The following WDR59 variants were observed in gnomAD, a reference collection of about 807,000 sequenced individuals.
WDR59 encodes the protein WD repeat domain 59, also known as GATOR2 complex protein WDR59.
WDR59 carries 100 observed loss-of-function variants against 131.2 expected under a neutral mutation model. The ratio of observed to expected loss-of-function variants is 0.76; its 90% confidence interval spans 0.65 to 0.90. The LOEUF (loss-of-function observed/expected upper bound fraction) is 0.90. Ranked by LOEUF, WDR59 falls within the 40% of genes least tolerant of loss-of-function variation. WDR59 has a pLI of 0.00. For synonymous variants in WDR59, 601 were observed against 466.2 expected, an observed-to-expected ratio of 1.29 and a Z score of -3.72; for missense variants, 1,203 against 1,262.2, an observed-to-expected ratio of 0.95 and a Z score of 0.71.
At chr16:74,959,683 G>A (rs1291220061) in intron 2 of WDR59, 3 of 321,348 alleles carry the variant, frequency 9.3e-6, no homozygotes, top group Admixed American at 8.6e-5. Flanking sequence ...TGAGAAGGCT[G>A]AGATGGGAGG....
At chr16:74,940,117 G>A (rs951394209) in intron 7 of WDR59, among the ~76,000 whole-genome samples, 5 of 152,092 alleles carry the variant, frequency 3.3e-5, no homozygotes, top group African/African-American at 7.2e-5. Context: ...AGTGGCTCAC[G>A]CCTGTAATCC....
chr16:74,981,265 A>C (rs2034392942), intron 1 of WDR59, among the ~76,000 whole-genome samples: 1 of 151,284 alleles, frequency 6.6e-6, no homozygotes, highest in South Asian at 2.1e-4. Flanking sequence ...AGTCCCAGCT[A>C]CTTGGGAGGT....
At chr16:74,879,037 T>C (rs1964352460) in intron 25 of WDR59, among the ~76,000 whole-genome samples, 1 of 152,160 alleles carries the variant, frequency 6.6e-6, no homozygotes, top group Middle Eastern at 3.2e-3. Flanking sequence ...CTGAAGAGAT[T>C]CCTGAATACC....
intron 8 of WDR59, among the ~76,000 whole-genome samples, chr16:74,929,327 G>A (rs1006907563): frequency 1.3e-5 from 2 of 151,994 alleles, no homozygotes; most frequent in Admixed American, 6.6e-5. Context: ...CACCTGCCTC[G>A]GCCTCCCAAA....
At chr16:74,981,137 G>A (rs557607296) in intron 1 of WDR59, among the ~76,000 whole-genome samples, 17 of 151,550 alleles carry the variant, frequency 1.1e-4, no homozygotes, top group Admixed American at 4.6e-4. Flanking sequence ...AGGCTGAGGC[G>A]GGCGGATCAC....
intron 25 of WDR59, among the ~76,000 whole-genome samples, chr16:74,882,999 C>G (rs1423731647): frequency 7.3e-6 from 1 of 137,738 alleles, no homozygotes; most frequent in Admixed American, 7.2e-5. Context: ...TTAACTGTTT[C>G]TTTCGTTTTT....
intron 9 of WDR59, among the ~76,000 whole-genome samples, chr16:74,922,395 ACTGTTTCACATC>A (rs2030331865): frequency 6.6e-6 from 1 of 152,176 alleles, no homozygotes; most frequent in Non-Finnish European, 1.5e-5. Context: ...AATGAAACAC[ACTGTTTCACATC>A]CTAGCTACTC....
intron 7 of WDR59, among the ~76,000 whole-genome samples, chr16:74,941,518 C>G (rs1246587959): frequency 6.6e-6 from 1 of 151,782 alleles, no homozygotes; most frequent in Admixed American, 6.6e-5. Context: ...ACATGTGAAA[C>G]CCCATCTCTA....
chr16:74,957,338 C>T (rs2033344661), intron 2 of WDR59, among the ~76,000 whole-genome samples: 1 of 152,044 alleles, frequency 6.6e-6, no homozygotes, highest in Non-Finnish European at 1.5e-5. Context: ...GCCTCAGCCT[C>T]CCAAAGTACT....
At chr16:74,982,828 G>C (rs1425579215) in intron 1 of WDR59, among the ~76,000 whole-genome samples, 2 of 152,102 alleles carry the variant, frequency 1.3e-5, no homozygotes, top group Admixed American at 6.6e-5. Flanking sequence ...GCAAAATGGT[G>C]GGTAGCTCCT....
At chr16:74,953,489 A>T (rs1011961844) in intron 3 of WDR59, among the ~76,000 whole-genome samples, 3 of 149,026 alleles carry the variant, frequency 2.0e-5, no homozygotes, top group Non-Finnish European at 4.5e-5. Flanking sequence ...AAAAAAAAAA[A>T]GTTGCCTTCC....
intron 13 of WDR59, among the ~76,000 whole-genome samples, chr16:74,913,434 T>TG (rs1966206005): frequency 6.6e-6 from 1 of 151,780 alleles, no homozygotes; most frequent in South Asian, 2.1e-4. Flanking sequence ...AAATCTTTGT[T>TG]TTGTTGTTGT....
At chr16:74,953,445 C>T (rs1597788959) in intron 3 of WDR59, among the ~76,000 whole-genome samples, 1 of 150,440 alleles carries the variant, frequency 6.6e-6, no homozygotes, top group East Asian at 2.0e-4. Context: ...TGCACTCCAG[C>T]CTGGGCAACA....
chr16:74,927,214 A>C (rs1431206618), intron 8 of WDR59, among the ~76,000 whole-genome samples: 2 of 152,252 alleles, frequency 1.3e-5, no homozygotes, highest in Admixed American at 6.5e-5. Context: ...CATAACTGTT[A>C]AATTTAATGG....
At chr16:74,969,458 A>G (rs1217826313) in intron 1 of WDR59, among the ~76,000 whole-genome samples, 1 of 151,860 alleles carries the variant, frequency 6.6e-6, no homozygotes. Context: ...TTTTTAGTAG[A>G]GACGGGGTTT....
chr16:74,904,216 C>A, intron 17 of WDR59, 116 bp from the exon 18 acceptor site: 1 of 1,300,094 alleles, frequency 7.7e-7, no homozygotes, highest in Non-Finnish European at 1.1e-6. Flanking sequence ...GATGGAAACT[C>A]CAGAAAAAGA....
intron 8 of WDR59, among the ~76,000 whole-genome samples, chr16:74,936,089 G>A (rs900386990): frequency 3.9e-5 from 6 of 152,130 alleles, no homozygotes; most frequent in Non-Finnish European, 7.4e-5. Flanking sequence ...AGCTAAGCCT[G>A]CTGGTAAAGA....
At chr16:74,893,886 A>T (rs1422141170) in intron 18 of WDR59, 74 bp from the exon 19 acceptor site, 1 of 1,513,764 alleles carries the variant, frequency 6.6e-7, no homozygotes, top group African/African-American at 1.4e-5. Flanking sequence ...AGCTCATCAT[A>T]TTGGGGTCAT....
intron 4 of WDR59, chr16:74,950,073 G>A (rs76662748): frequency 0.059 from 26,456 of 449,052 alleles, 1,105 homozygotes; most frequent in East Asian, 0.16. Context: ...TGAGCGCAGC[G>A]GCTCACGACT....
Sources: allele counts gnomAD v4.1 joint callset (sites outside exome capture counted in the v4.1 genomes callset), GRCh38; gene constraint gnomAD v4.1.1; transcripts MANE v1.5; gene names NCBI Gene and HGNC (gene_info 2026-07-23, HGNC 2026-07-21).